Variants in LAMA3 observed in about 807,000 individuals in gnomAD.
The protein encoded by LAMA3 is laminin subunit alpha-3.
LAMA3 carries 281 observed loss-of-function variants against 402.0 expected under a neutral mutation model. The observed-to-expected ratio is 0.70, with a 90% CI of 0.63 to 0.77. The LOEUF is 0.77. Ranked by LOEUF, LAMA3 falls within the 30% of genes least tolerant of loss-of-function variation. The pLI, the probability that LAMA3 is intolerant of heterozygous loss-of-function variation, is 0.00. For missense variants in LAMA3, 3,840 were observed against 4,215.5 expected, an observed-to-expected ratio of 0.91 and a Z score of 2.47; for synonymous variants, 1,431 against 1,558.4, an observed-to-expected ratio of 0.92 and a Z score of 1.93.
At position 23,879,970 on chromosome 18, in the gene LAMA3, AAT is replaced by A. The variant is rs937415283; in HGVS notation, c.5113-1961_5113-1960del. ...CAGAGCTAAGTAGACACAGGACTGAAATATATCTATACAGTCATGTTCTACTT... is the reference window on the plus strand; with the variant it reads ...CAGAGCTAAGTAGACACAGGACTGAAATATCTATACAGTCATGTTCTACTT... On this transcript the variant is annotated intron_variant, in intron 39 of 74. Transcript: ENST00000313654. This position sits in a 1 kb window ranked among gnomAD's most constrained non-coding sequence, Gnocchi z 4.2. Among the ~76,000 whole-genome samples the A allele has an allele frequency of 2.0e-5, 3 of 152,382 alleles. No homozygotes were observed. Among genetic ancestry groups the A allele is most frequent in the African/African-American group, 7.2e-5 (3 of 41,590 alleles).
chr18:23,899,273 C>T lies in LAMA3; in HGVS notation c.5837-15C>T. ...CCAGAATTCCCAGTCTAATAGACCA[C>T]TTGATGTTTCCTAGTTCTTTTAAAG... On this transcript the variant is annotated splice_polypyrimidine_tract_variant and intron_variant, in intron 46 of 74. Transcript: ENST00000313654. 1 of 1,611,332 alleles carries T rather than the reference C, an allele frequency of 6.2e-7. No homozygotes were observed. Among genetic ancestry groups the T allele is most frequent in the South Asian group, 1.1e-5 (1 of 90,912 alleles).
At chr18:23,885,428 C>T (rs765909900) in intron 41 of LAMA3, among the ~76,000 whole-genome samples, 1 of 148,972 alleles carries the variant, frequency 6.7e-6, no homozygotes, top group Non-Finnish European at 1.5e-5. Context: ...ATTTCGGAAT[C>T]CCTGGTTCCA....
At chr18:23,741,597 A>G (rs2061564841) in intron 2 of LAMA3, among the ~76,000 whole-genome samples, 1 of 152,164 alleles carries the variant, frequency 6.6e-6, no homozygotes, top group South Asian at 2.1e-4. Context: ...TATTTTTCAT[A>G]ATTTGTATTT....
At chr18:23,937,193 C>T (rs1367072557) in intron 67 of LAMA3, among the ~76,000 whole-genome samples, 1 of 151,862 alleles carries the variant, frequency 6.6e-6, no homozygotes, top group Non-Finnish European at 1.5e-5. Context: ...TGGTGAAACC[C>T]CGTCTCTACT....
At chr18:23,814,656 A>G (rs2063141483) in intron 15 of LAMA3, among the ~76,000 whole-genome samples, 154 bp downstream of exon 15, 1 of 152,260 alleles carries the variant, frequency 6.6e-6, no homozygotes, top group African/African-American at 2.4e-5. Context: ...CACTTTTGAC[A>G]GAATTTCTGT....
chr18:23,709,964 GA>G, intron 1 of LAMA3: 1 of 732,862 alleles, frequency 1.4e-6, no homozygotes, highest in African/African-American at 1.7e-5. Flanking sequence ...CAGCCTGTTT[GA>G]TTTGGTGTTT....
intron 51 of LAMA3, 74 bp downstream of exon 51, chr18:23,904,768 C>T: frequency 6.9e-7 from 1 of 1,455,020 alleles, no homozygotes; most frequent in Non-Finnish European, 9.6e-7. Flanking sequence ...TTTCCGTGGG[C>T]TCCAAGGAAT....
chr18:23,940,165 G>A (rs1233266467), intron 68 of LAMA3, among the ~76,000 whole-genome samples: 1 of 152,226 alleles, frequency 6.6e-6, no homozygotes, highest in Non-Finnish European at 1.5e-5. Context: ...AGGGGACAGA[G>A]ATGGGGGCAG....
intron 67 of LAMA3, among the ~76,000 whole-genome samples, chr18:23,935,577 T>C (rs1478630684): frequency 6.6e-6 from 1 of 152,186 alleles, no homozygotes; most frequent in Non-Finnish European, 1.5e-5. Context: ...TGGGTTTGCA[T>C]CCGGCTTTAC....
At chr18:23,786,399 G>T (rs563600768) in intron 12 of LAMA3, among the ~76,000 whole-genome samples, 7 of 152,288 alleles carry the variant, frequency 4.6e-5, no homozygotes, top group Admixed American at 4.6e-4. Flanking sequence ...GCTCAGCAAA[G>T]AGGACCAGCT....
chr18:23,884,725 C>A, intron 40 of LAMA3, 48 bp from the exon 41 acceptor site: 1 of 1,468,424 alleles, frequency 6.8e-7, no homozygotes, highest in Non-Finnish European at 9.5e-7. Context: ...AAGCATAAAT[C>A]CTATCGATCT....
At chr18:23,822,567 A>G (rs2063307191) in intron 20 of LAMA3, among the ~76,000 whole-genome samples, 192 bp downstream of exon 20, 1 of 152,212 alleles carries the variant, frequency 6.6e-6, no homozygotes, top group Non-Finnish European at 1.5e-5. Flanking sequence ...AAGTTTTGCT[A>G]CTGAATTTGT....
At chr18:23,931,455 G>A (rs1284363718) in intron 65 of LAMA3, 6 of 456,852 alleles carry the variant, frequency 1.3e-5, no homozygotes, top group East Asian at 8.0e-5. Flanking sequence ...CCAAGAGTTC[G>A]AGACCAGTCT....
chr18:23,840,579 A>C (rs2063679452), intron 27 of LAMA3, among the ~76,000 whole-genome samples: 1 of 151,602 alleles, frequency 6.6e-6, no homozygotes. Flanking sequence ...TAGAGGTGGG[A>C]TCTTGCTATG....
intron 2 of LAMA3, among the ~76,000 whole-genome samples, chr18:23,738,801 T>C (rs1376933163): frequency 6.6e-6 from 1 of 152,206 alleles, no homozygotes; most frequent in Non-Finnish European, 1.5e-5. Context: ...GTCTCTGCCT[T>C]TTTGCATCAC....
chr18:23,851,877 C>T (rs1328530083), intron 32 of LAMA3, among the ~76,000 whole-genome samples: 1 of 152,204 alleles, frequency 6.6e-6, no homozygotes, highest in East Asian at 1.9e-4. Flanking sequence ...TAATCGTTAA[C>T]TCCTGAATTC....
Position 23,868,490 on chromosome 18 carries a change from T to G in LAMA3, c.4767+573T>G, listed in dbSNP as rs940693199. On this transcript the variant is annotated intron_variant, in intron 37 of 74. Transcript: ENST00000313654. ...CAATAGGCATGGTGGGGTGTGCCTG[T>G]AATCCCAGCTACTTGGGAAGCTGAG... Among the ~76,000 whole-genome samples the G allele has an allele frequency of 6.6e-5, 10 of 152,136 alleles. 1 individual carries two copies. Among genetic ancestry groups the G allele is most frequent in the Admixed American group, 2.0e-4 (3 of 15,264 alleles).
At chr18:23,930,374 G>A (rs920857329) in intron 64 of LAMA3, among the ~76,000 whole-genome samples, 1 of 152,134 alleles carries the variant, frequency 6.6e-6, no homozygotes, top group Non-Finnish European at 1.5e-5. Flanking sequence ...TAAAAATTGA[G>A]GAATCGAGTC....
intron 1 of LAMA3, among the ~76,000 whole-genome samples, chr18:23,704,609 T>C (rs2145863414): frequency 6.6e-6 from 1 of 152,376 alleles, no homozygotes; most frequent in Non-Finnish European, 1.5e-5. Context: ...TGTGCAGTGG[T>C]TGAGTTACTT....
Sources: allele counts gnomAD v4.1 joint callset (sites outside exome capture counted in the v4.1 genomes callset), GRCh38; gene constraint gnomAD v4.1.1; non-coding constraint Gnocchi (gnomAD v3.1); transcripts MANE v1.5; gene names NCBI Gene and HGNC (gene_info 2026-07-23, HGNC 2026-07-21).